Variants in SHANK2 observed in about 807,000 individuals in gnomAD.
SHANK2 encodes the protein SH3 and multiple ankyrin repeat domains 2, also known as SH3 and multiple ankyrin repeat domains protein 2.
Under a neutral mutation model 133.7 loss-of-function variants are expected in SHANK2, and 43 were observed. That is an observed-to-expected ratio of 0.32 (90% CI 0.25 to 0.41). The LOEUF (loss-of-function observed/expected upper bound fraction) is 0.41. Among genes scored for constraint, SHANK2 ranks in the 10% least tolerant of loss-of-function variants. SHANK2 has a pLI of 1.00. For missense variants in SHANK2, 1,994 were observed against 2,235.8 expected, an observed-to-expected ratio of 0.89 and a Z score of 2.18; for synonymous variants, 1,017 against 952.8, an observed-to-expected ratio of 1.07 and a Z score of -1.24.
intron 14 of SHANK2, among the ~76,000 whole-genome samples, chr11:70,725,599 C>T (rs1555030448): frequency 6.6e-6 from 1 of 152,148 alleles, no homozygotes; most frequent in Admixed American, 6.5e-5. Flanking sequence ...TTCAGATGAA[C>T]CTCACCCCAA....
At chr11:71,163,093 A>AAAAAAATATATATATATATATAT in intron 2 of SHANK2, among the ~76,000 whole-genome samples, 1 of 84,678 alleles carries the variant, frequency 1.2e-5, no homozygotes, top group African/African-American at 4.6e-5. Flanking sequence ...AAAAAAAAAA[A>AAAAAAATATATATATATATATAT]ATACATATAT....
chr11:71,199,041 G>A (rs367554432), intron 2 of SHANK2, among the ~76,000 whole-genome samples: 5 of 152,158 alleles, frequency 3.3e-5, no homozygotes, highest in South Asian at 2.1e-4. Context: ...GATGTGGCCC[G>A]GAGCCCACAG....
At chr11:71,183,092 G>A (rs1953592445) in intron 2 of SHANK2, among the ~76,000 whole-genome samples, 1 of 151,868 alleles carries the variant, frequency 6.6e-6, no homozygotes, top group Admixed American at 6.6e-5. Context: ...AAGCCTTCAA[G>A]GCTCTTGACA....
At chr11:70,608,179 G>A (rs1317677033) in intron 17 of SHANK2, among the ~76,000 whole-genome samples, 1 of 152,178 alleles carries the variant, frequency 6.6e-6, no homozygotes, top group African/African-American at 2.4e-5. Flanking sequence ...TAGAGACAGG[G>A]TTTTGCCACG....
chr11:70,926,597 C>G (rs1950430740), intron 10 of SHANK2, among the ~76,000 whole-genome samples: 1 of 152,160 alleles, frequency 6.6e-6, no homozygotes, highest in African/African-American at 2.4e-5. Context: ...CCATTCCATA[C>G]AGCAAAACCA....
chr11:70,787,092 TCACCACCATCATCACCATGAC>T (rs1343290340), intron 14 of SHANK2, among the ~76,000 whole-genome samples: 2 of 138,340 alleles, frequency 1.4e-5, no homozygotes, highest in Admixed American at 7.1e-5. Flanking sequence ...ACCACCAGCA[TCACCACCATCATCACCATGAC>T]CACCACCAGC....
At chr11:70,583,192 A>G (rs2136231785) in intron 17 of SHANK2, among the ~76,000 whole-genome samples, 1 of 152,272 alleles carries the variant, frequency 6.6e-6, no homozygotes, top group East Asian at 1.9e-4. Context: ...GGGCTCAGGT[A>G]TGGCTCCAAA....
At chr11:71,208,864 G>A (rs1954187747) in intron 2 of SHANK2, among the ~76,000 whole-genome samples, 1 of 152,150 alleles carries the variant, frequency 6.6e-6, no homozygotes, top group Non-Finnish European at 1.5e-5. Context: ...TAGAGCAGAG[G>A]TTGCTAAACT....
At chr11:71,186,761 A>G (rs1555114520) in intron 2 of SHANK2, among the ~76,000 whole-genome samples, 1 of 152,224 alleles carries the variant, frequency 6.6e-6, no homozygotes, top group African/African-American at 2.4e-5. Context: ...TGAATGCTGC[A>G]GACAGCTATC....
intron 17 of SHANK2, among the ~76,000 whole-genome samples, chr11:70,585,831 CA>C (rs2060242507): frequency 1.3e-4 from 11 of 87,036 alleles, no homozygotes; most frequent in Non-Finnish European, 2.0e-4. Flanking sequence ...TTTGCTCACC[CA>C]CCCACCCACC....
At chr11:70,879,350 T>C (rs670481) in intron 11 of SHANK2, among the ~76,000 whole-genome samples, 152,163 of 152,368 alleles carry the variant, frequency 1, 75,980 homozygotes, top group East Asian at 1. Flanking sequence ...CATATTCTTA[T>C]GAGGCTCCGA....
chr11:70,670,720 G>A lies in SHANK2; in HGVS notation c.1854-9042C>T, dbSNP rs530928306. Among the ~76,000 whole-genome samples the A allele has an allele frequency of 2.0e-5, 3 of 152,332 alleles. No individual in the cohort carries two copies. In the East Asian group the frequency reaches 5.8e-4, roughly 29 times the overall value. On this transcript the variant is annotated intron_variant, in intron 15 of 25. Transcript: ENST00000601538. ...ACTCACAGGGGAAATGATGCCCAACGCCCAGTGCCATCCTGGTGCCTGAGT... is the reference window on the plus strand; with the variant it reads ...ACTCACAGGGGAAATGATGCCCAACACCCAGTGCCATCCTGGTGCCTGAGT...
chr11:70,943,103 T>A lies in SHANK2; in HGVS notation c.1108-46536A>T, dbSNP rs1555084683. 7 of 456,392 alleles carry A rather than the reference T, an allele frequency of 1.5e-5. 1 individual carries two copies. In the Admixed American group the frequency reaches 1.6e-4, roughly 11 times the overall value. 28.3% of individuals were successfully genotyped at this position (456,392 alleles called of 1,614,324 possible). A position where few individuals can be genotyped will look rare whatever the true frequency, so the allele number is the denominator to read the frequency against. On this transcript the variant is annotated intron_variant, in intron 10 of 25. Coordinates refer to ENST00000601538, the MANE Select transcript of SHANK2 (RefSeq NM_012309.5). ...TTCGGCTCTGAGGGGTGGGAAGGAG[T>A]TCACCTGGCAAAGGTGGTGGCGATG...
chr11:70,528,104 G>A lies in SHANK2; in HGVS notation c.2062-25173C>T, dbSNP rs1027945552. The stretch of plus-strand genomic sequence containing the variant: ...ACGACAAGGCAGAAGGTAGGAACCA[G>A]GATGGCGGCGCAGAAACCAACCGAG... On this transcript the variant is annotated intron_variant, in intron 17 of 25. Transcript: ENST00000601538. 3.3e-5 allele frequency among the ~76,000 whole-genome samples: 5 copies of A among 152,368 alleles called. No homozygotes were observed. The East Asian group carries it at 7.7e-4, about 24-fold the overall frequency.
chr11:70,796,132 C>T (rs1555049096), intron 14 of SHANK2, among the ~76,000 whole-genome samples: 2 of 152,228 alleles, frequency 1.3e-5, no homozygotes. Flanking sequence ...CCTCGCCCAC[C>T]TGCCCTGGGT....
intron 11 of SHANK2, among the ~76,000 whole-genome samples, chr11:70,836,106 C>T (rs1209075620): frequency 2.6e-5 from 4 of 152,238 alleles, no homozygotes; most frequent in Admixed American, 6.5e-5. Flanking sequence ...CCACAGACAC[C>T]CTTTCACAAC....
In SHANK2 at chr11:70,732,596, C is replaced by T. The variant is rs554886216; in HGVS notation, c.1778-33833G>A. 9.2e-5 allele frequency among the ~76,000 whole-genome samples: 14 copies of T among 152,352 alleles called. No homozygotes were observed. In the South Asian group the frequency reaches 1.2e-3, roughly 14 times the overall value. On this transcript the variant is annotated intron_variant, in intron 14 of 25. Coordinates refer to ENST00000601538, the MANE Select transcript of SHANK2 (RefSeq NM_012309.5). ...CTCCCCTCCCTAGAAGCTACAGCCG[C>T]GCTGCCCTTCTTGCTGTTCCCCAAG...
chr11:71,222,760 T>C (rs187345212), intron 2 of SHANK2, among the ~76,000 whole-genome samples: 2 of 152,378 alleles, frequency 1.3e-5, no homozygotes, highest in Admixed American at 1.3e-4. Context: ...TCTCTCAGTC[T>C]GCTCCTGCTC....
intron 17 of SHANK2, chr11:70,570,455 C>T (rs1458360750): frequency 6.6e-6 from 1 of 152,274 alleles, no homozygotes; most frequent in African/African-American, 2.4e-5. Flanking sequence ...GCTGCAGGAC[C>T]AGGACCGGGG....
Sources: gnomAD v4.1 joint callset for allele counts (sites outside exome capture counted in the v4.1 genomes callset) on GRCh38, gnomAD v4.1.1 for gene constraint, MANE v1.5 for transcripts, NCBI Gene and HGNC (gene_info 2026-07-23, HGNC 2026-07-21) for gene names.